The following ZMAT3 variants were observed in gnomAD, a reference collection of about 807,000 sequenced individuals.
ZMAT3 encodes the protein zinc finger matrin-type protein 3.
Under a neutral mutation model 32.3 loss-of-function variants are expected in ZMAT3, and 17 were observed. The ratio of observed to expected loss-of-function variants is 0.53; its 90% CI spans 0.36 to 0.79. The LOEUF (loss-of-function observed/expected upper bound fraction) is 0.79. Among genes scored for constraint, ZMAT3 ranks in the 30% least tolerant of loss-of-function variants. The pLI, the probability that ZMAT3 is intolerant of heterozygous loss-of-function variation, is 0.00. For synonymous variants in ZMAT3, 120 were observed against 133.1 expected (o/e 0.90, Z 0.68); for missense variants, 329 against 359.7 (o/e 0.91, Z 0.69).
intron 1 of ZMAT3, among the ~76,000 whole-genome samples, chr3:179,071,148 G>C (rs1721690528): frequency 6.6e-6 from 1 of 152,210 alleles, no homozygotes; most frequent in African/African-American, 2.4e-5. Context: ...AAAGAACGCA[G>C]AAAACTGGGG....
At chr3:179,072,442 A>G (rs1560102955), upstream of ZMAT3, among the ~76,000 whole-genome samples, 1 of 152,160 alleles carries the variant, frequency 6.6e-6, no homozygotes, top group Non-Finnish European at 1.5e-5. Context: ...AAGGACCAGG[A>G]AAAGAGTGGC....
chr3:179,046,060 G>A lies in ZMAT3; in HGVS notation c.271-15061C>T, dbSNP rs746399672. On this transcript the variant is annotated intron_variant, in intron 2 of 5. Coordinates refer to ENST00000311417, the MANE Select transcript of ZMAT3 (RefSeq NM_022470.4). The surrounding 1 kb of genome is among the most constrained non-coding windows in gnomAD (Gnocchi z 4.3). ...TCTATGACAGGGAGCAGAGAAATCC[G>A]GCATGCAGCTAGACAGAGAAATGGG... 5.9e-5 allele frequency among the ~76,000 whole-genome samples: 9 copies of A among 152,128 alleles called. No homozygotes were observed. Among genetic ancestry groups the A allele is most frequent in the Non-Finnish European group, 1.2e-4 (8 of 68,008 alleles).
intron 2 of ZMAT3, among the ~76,000 whole-genome samples, chr3:179,061,840 C>T (rs1347007036): frequency 6.6e-6 from 1 of 152,130 alleles, no homozygotes; most frequent in Non-Finnish European, 1.5e-5. Context: ...AATGCAAAAA[C>T]TCAATGTTAA....
At chr3:179,035,251 G>C (rs957021245) in intron 2 of ZMAT3, among the ~76,000 whole-genome samples, 1 of 152,076 alleles carries the variant, frequency 6.6e-6, no homozygotes, top group African/African-American at 2.4e-5. Flanking sequence ...TACATGATCT[G>C]GCCCCGTCTA....
At chr3:179,040,439 A>C (rs1212205980) in intron 2 of ZMAT3, among the ~76,000 whole-genome samples, 1 of 152,208 alleles carries the variant, frequency 6.6e-6, no homozygotes, top group East Asian at 1.9e-4. Context: ...AACTTCCTTA[A>C]AGAAAAGAAT....
chr3:179,024,345 A>G lies in ZMAT3; in HGVS notation c.*672T>C, dbSNP rs1378270167. 6.6e-6 allele frequency: 1 copy of G among 152,348 alleles called. No individual in the cohort carries two copies. Among genetic ancestry groups the G allele is most frequent in the Non-Finnish European group, 1.5e-5 (1 of 68,140 alleles). 9.4% of individuals were successfully genotyped at this position (152,348 alleles called of 1,614,324 possible). On this transcript the variant is annotated 3_prime_UTR_variant, in exon 6 of 6. Transcript: ENST00000311417. ...GTTTCTAATAATGTATCCTACTGAC[A>G]ATGCATTGAGGTGGCGGTTCTGGTT...
rs984869280 is a variant in ZMAT3, at chr3:179,017,369, TAA to T, written c.*7646_*7647del. 1.3e-5 allele frequency: 2 copies of T among 152,164 alleles called. No individual in the cohort carries two copies. The highest frequency in any genetic ancestry group is 4.8e-5 in the African/African-American group (2 of 41,432). The allele number at this position is 152,164 out of a possible 1,614,324, so 9.4% of individuals were successfully genotyped here. A position where few individuals can be genotyped will look rare whatever the true frequency, so the allele number is the denominator to read the frequency against. The stretch of plus-strand genomic sequence containing the variant: ...CAACAAAAGCAGTATAAATTTTAAA[TAA>T]GTTTCAGATTTCTATACTCAATATG... On this transcript the variant is annotated 3_prime_UTR_variant, in exon 6 of 6. Transcript: ENST00000311417.
At chr3:179,048,375 T>C (rs1388334792) in intron 2 of ZMAT3, among the ~76,000 whole-genome samples, 1 of 152,104 alleles carries the variant, frequency 6.6e-6, no homozygotes, top group African/African-American at 2.4e-5. Flanking sequence ...TTACCTAAAG[T>C]CAAGATGAAA....
intron 2 of ZMAT3, among the ~76,000 whole-genome samples, chr3:179,063,283 A>T (rs1721243293): frequency 6.6e-6 from 1 of 152,260 alleles, no homozygotes; most frequent in South Asian, 2.1e-4. Context: ...CTGGGTGATC[A>T]ATATTAAAAT....
chr3:179,031,909 AT>A (rs1274398508), intron 2 of ZMAT3, among the ~76,000 whole-genome samples: 1 of 27,522 alleles, frequency 3.6e-5, no homozygotes, highest in Non-Finnish European at 5.7e-5. Flanking sequence ...TCTGTCTCAA[AT>A]AAAAAAAAAA....
intron 2 of ZMAT3, among the ~76,000 whole-genome samples, chr3:179,038,740 ACTGAAGCAGGGTGGGGTGTTAC>A (rs1719740797): frequency 6.6e-6 from 1 of 152,174 alleles, no homozygotes; most frequent in Non-Finnish European, 1.5e-5. Context: ...CAGAGGACGA[ACTGAAGCAGGGTGGGGTGTTAC>A]CTCAACCGGG....
intron 2 of ZMAT3, among the ~76,000 whole-genome samples, chr3:179,047,853 A>G (rs923188708): frequency 6.6e-6 from 1 of 151,884 alleles, no homozygotes; most frequent in African/African-American, 2.4e-5. Flanking sequence ...AGTAAGACTC[A>G]GTCTCAAAAA....
At chr3:179,066,867 C>T (rs555128851) in intron 2 of ZMAT3, among the ~76,000 whole-genome samples, 17 of 152,236 alleles carry the variant, frequency 1.1e-4, no homozygotes, top group African/African-American at 2.6e-4. Flanking sequence ...TATTAGTTTA[C>T]GCTAATGGGC....
chr3:179,038,551 T>C (rs769164696), intron 2 of ZMAT3, among the ~76,000 whole-genome samples: 1 of 152,188 alleles, frequency 6.6e-6, no homozygotes, highest in Non-Finnish European at 1.5e-5. Context: ...ACACTCCAGC[T>C]GGGTGACAGA....
Position 179,024,857 on chromosome 3 carries a change from CG to C in ZMAT3, c.*159del, listed in dbSNP as rs1718776261. 1 of 541,970 alleles carries C rather than the reference CG, an allele frequency of 1.8e-6. No individual in the cohort carries two copies. Among genetic ancestry groups the C allele is most frequent in the Admixed American group, 2.9e-5 (1 of 34,962 alleles). 33.6% of individuals were successfully genotyped at this position (541,970 alleles called of 1,614,324 possible). A position where few individuals can be genotyped will look rare whatever the true frequency, so the allele number is the denominator to read the frequency against. On this transcript the variant is annotated 3_prime_UTR_variant, in exon 6 of 6. Coordinates refer to ENST00000311417, the MANE Select transcript of ZMAT3 (RefSeq NM_022470.4). ...CACCCACCTCCCCCCGCCCCGCCCC[CG>C]GGCCCCCAGGTTTTGACATCTCATG...
At chr3:179,031,279 C>G (rs375935913) in intron 2 of ZMAT3, among the ~76,000 whole-genome samples, 2 of 149,130 alleles carry the variant, frequency 1.3e-5, no homozygotes. Flanking sequence ...TCAGAAATAT[C>G]ACGGTTTTAG....
intron 3 of ZMAT3, 24 bp downstream of exon 3, chr3:179,030,856 T>A: frequency 6.2e-7 from 1 of 1,602,694 alleles, no homozygotes; most frequent in Non-Finnish European, 8.5e-7. Context: ...CTAATGCTGC[T>A]TCACCCTGAC....
intron 2 of ZMAT3, among the ~76,000 whole-genome samples, chr3:179,056,000 A>G (rs566651169): frequency 1.3e-5 from 2 of 152,318 alleles, no homozygotes; most frequent in Admixed American, 6.5e-5. Context: ...TGCGTGCTAG[A>G]AGGACTGAGG....
chr3:179,054,588 T>C (rs893742513), intron 2 of ZMAT3, among the ~76,000 whole-genome samples: 2 of 152,256 alleles, frequency 1.3e-5, no homozygotes, highest in African/African-American at 2.4e-5. Flanking sequence ...AAATTCAATA[T>C]GAGGCTACCC....
Sources: allele counts gnomAD v4.1 joint callset (sites outside exome capture counted in the v4.1 genomes callset), GRCh38; gene constraint gnomAD v4.1.1; non-coding constraint Gnocchi (gnomAD v3.1); transcripts MANE v1.5; gene names NCBI Gene and HGNC (gene_info 2026-07-23, HGNC 2026-07-21).